ATP2B1: variants seen among roughly 807,000 people sequenced by gnomAD.
ATP2B1 encodes the protein ATPase plasma membrane Ca2+ transporting 1.
ATP2B1 carries 14 observed loss-of-function variants against 124.2 expected under a neutral mutation model. The observed-to-expected ratio is 0.11, with a 90% confidence interval of 0.07 to 0.18. The LOEUF (loss-of-function observed/expected upper bound fraction) is 0.18, where lower values mean the gene tolerates loss of function less well. ATP2B1 is among the 10% of genes least tolerant of loss of function. The pLI is 1.00. For missense variants in ATP2B1, 763 were observed against 1,466.1 expected (o/e 0.52, Z 7.83); for synonymous variants, 449 against 492.4 (o/e 0.91, Z 1.17).
intron 1 of ATP2B1, among the ~76,000 whole-genome samples, chr12:89,664,606 T>C (rs1887078452): frequency 6.6e-6 from 1 of 152,204 alleles, no homozygotes; most frequent in African/African-American, 2.4e-5. Flanking sequence ...TGCATCAGAA[T>C]CACCTCAATC....
chr12:89,679,599 A>G (rs1889088541), intron 1 of ATP2B1, among the ~76,000 whole-genome samples: 1 of 152,190 alleles, frequency 6.6e-6, no homozygotes, highest in Non-Finnish European at 1.5e-5. Flanking sequence ...GTGGAGTACC[A>G]CAAACTTCAA....
intron 2 of ATP2B1, among the ~76,000 whole-genome samples, chr12:89,654,248 C>A (rs924209658): frequency 6.6e-6 from 1 of 151,994 alleles, no homozygotes; most frequent in Non-Finnish European, 1.5e-5. Context: ...AGTATGCAAC[C>A]AATTTTGTCA....
At chr12:89,592,241 C>T (rs1426566503) in intron 20 of ATP2B1, among the ~76,000 whole-genome samples, 1 of 151,982 alleles carries the variant, frequency 6.6e-6, no homozygotes, top group African/African-American at 2.4e-5. Flanking sequence ...GGACAAAATC[C>T]AACTAGTTGA....
chr12:89,656,381 G>A (rs948527904), intron 1 of ATP2B1, among the ~76,000 whole-genome samples: 2 of 152,160 alleles, frequency 1.3e-5, no homozygotes, highest in African/African-American at 4.8e-5. Flanking sequence ...CAGTATTACT[G>A]TTATTGTTCC....
At chr12:89,709,124 C>G (rs1411449625), upstream of ATP2B1, 1 of 150,832 alleles carries the variant, frequency 6.6e-6, no homozygotes, top group Non-Finnish European at 1.5e-5. Flanking sequence ...GACGGCCGAG[C>G]ACGAGGGGGC....
intron 5 of ATP2B1, among the ~76,000 whole-genome samples, chr12:89,633,249 C>T (rs1882158420): frequency 6.6e-6 from 1 of 151,830 alleles, no homozygotes; most frequent in African/African-American, 2.4e-5. Context: ...GACAACCACA[C>T]CAATACAAAG....
chr12:89,671,291 C>T (rs1291213729), intron 1 of ATP2B1, among the ~76,000 whole-genome samples: 1 of 152,100 alleles, frequency 6.6e-6, no homozygotes, highest in Non-Finnish European at 1.5e-5. Context: ...ATGGGTTGGT[C>T]AAACATCGTC....
chr12:89,605,666 T>C (rs1876698347), intron 15 of ATP2B1, among the ~76,000 whole-genome samples: 1 of 152,128 alleles, frequency 6.6e-6, no homozygotes, highest in Non-Finnish European at 1.5e-5. Flanking sequence ...AGGAAGCAGC[T>C]GGAGAAGATG....
chr12:89,614,931 T>C (rs1878698565), intron 12 of ATP2B1, among the ~76,000 whole-genome samples: 2 of 152,090 alleles, frequency 1.3e-5, no homozygotes, highest in African/African-American at 4.8e-5. Context: ...CTGCTTCTAC[T>C]CTTCTTCATC....
chr12:89,667,156 T>G (rs1887403678), intron 1 of ATP2B1, among the ~76,000 whole-genome samples: 1 of 152,186 alleles, frequency 6.6e-6, no homozygotes, highest in African/African-American at 2.4e-5. Context: ...TCCATTCTTC[T>G]GTCCACACAC....
At chr12:89,672,558 C>T (rs7131965) in intron 1 of ATP2B1, among the ~76,000 whole-genome samples, 114,306 of 152,096 alleles carry the variant, frequency 0.75, 43,457 homozygotes, top group East Asian at 0.97. Flanking sequence ...GGCTGCCTAT[C>T]GCGCGAAATC....
chr12:89,602,338 C>T (rs1876016617), intron 18 of ATP2B1, among the ~76,000 whole-genome samples: 2 of 152,090 alleles, frequency 1.3e-5, no homozygotes. Context: ...TCTGACAGGC[C>T]TCTCTTTGAT....
intron 1 of ATP2B1, among the ~76,000 whole-genome samples, chr12:89,704,587 T>C (rs1892230292): frequency 1.3e-5 from 2 of 151,956 alleles, no homozygotes; most frequent in Admixed American, 1.3e-4. Flanking sequence ...CCTTAGGGCC[T>C]AGACAAATCA....
At chr12:89,676,339 T>C (rs1158235463) in intron 1 of ATP2B1, among the ~76,000 whole-genome samples, 2 of 152,328 alleles carry the variant, frequency 1.3e-5, no homozygotes, top group Non-Finnish European at 1.5e-5. Flanking sequence ...ACTGGTGATG[T>C]ATTTTGTCAG....
At chr12:89,596,282 A>T (rs971608617) in intron 20 of ATP2B1, among the ~76,000 whole-genome samples, 2 of 152,152 alleles carry the variant, frequency 1.3e-5, no homozygotes, top group African/African-American at 4.8e-5. Context: ...GAAGCTAATC[A>T]GTAGCAATCA....
At chr12:89,657,428 G>A (rs1886095529) in intron 1 of ATP2B1, among the ~76,000 whole-genome samples, 1 of 152,166 alleles carries the variant, frequency 6.6e-6, no homozygotes, top group Non-Finnish European at 1.5e-5. Flanking sequence ...CAGTCCCACT[G>A]CTGCTCATGA....
intron 15 of ATP2B1, 130 bp from the exon 16 acceptor site, chr12:89,604,476 A>G: frequency 1.5e-6 from 1 of 652,002 alleles, no homozygotes; most frequent in Non-Finnish European, 2.5e-6. Context: ...TTTACACTAA[A>G]AGAAGGTAAC....
intron 1 of ATP2B1, among the ~76,000 whole-genome samples, chr12:89,704,988 A>G (rs965920558): frequency 6.6e-6 from 1 of 152,114 alleles, no homozygotes; most frequent in Admixed American, 6.5e-5. Flanking sequence ...TAACAGAACC[A>G]TTTCTTGTGT....
intron 1 of ATP2B1, among the ~76,000 whole-genome samples, chr12:89,669,883 A>G (rs894765813): frequency 6.6e-6 from 1 of 152,222 alleles, no homozygotes; most frequent in Admixed American, 6.5e-5. Context: ...TATATATGAC[A>G]TCAAATAGTA....
Sources: gnomAD v4.1 joint callset for allele counts (sites outside exome capture counted in the v4.1 genomes callset) on GRCh38, gnomAD v4.1.1 for gene constraint, MANE v1.5 for transcripts, NCBI Gene and HGNC (gene_info 2026-07-23, HGNC 2026-07-21) for gene names.